Variants in CORO2B observed in about 807,000 individuals in gnomAD.
The protein encoded by CORO2B is coronin-2B.
CORO2B carries 26 observed loss-of-function variants against 58.8 expected under a neutral mutation model. The ratio of observed to expected loss-of-function variants is 0.44; its 90% CI spans 0.32 to 0.61. The LOEUF (loss-of-function observed/expected upper bound fraction) is 0.61. CORO2B is among the 20% of genes least tolerant of loss of function. CORO2B has a pLI of 0.04. For missense variants in CORO2B, 460 were observed against 645.1 expected, an observed-to-expected ratio of 0.71 and a Z score of 3.11; for synonymous variants, 242 against 253.8, an observed-to-expected ratio of 0.95 and a Z score of 0.44.
At chr15:68,649,738 T>C (rs1158274410) in intron 2 of CORO2B, among the ~76,000 whole-genome samples, 2 of 152,202 alleles carry the variant, frequency 1.3e-5, no homozygotes, top group African/African-American at 4.8e-5. Context: ...TAACTTTTTT[T>C]AAGACAAAAA....
chr15:68,720,466 C>T (rs56348473), intron 11 of CORO2B, among the ~76,000 whole-genome samples: 4,819 of 152,254 alleles, frequency 0.032, 257 homozygotes, highest in African/African-American at 0.11. Context: ...TTTGCATGCC[C>T]GTGGCTGAAG....
chr15:68,687,885 C>T (rs1903038113), intron 2 of CORO2B, among the ~76,000 whole-genome samples: 1 of 152,230 alleles, frequency 6.6e-6, no homozygotes, highest in Non-Finnish European at 1.5e-5. Context: ...GACATTAATC[C>T]ATGCATGAGG....
chr15:68,536,875 C>G, the CORO2B span, among the ~76,000 whole-genome samples: 1 of 152,194 alleles, frequency 6.6e-6, no homozygotes, highest in Non-Finnish European at 1.5e-5. Flanking sequence ...TTCCTCCTTC[C>G]TATTGGCTGG....
At chr15:68,651,989 C>A (rs557866690) in intron 2 of CORO2B, among the ~76,000 whole-genome samples, 14 of 152,340 alleles carry the variant, frequency 9.2e-5, no homozygotes, top group South Asian at 2.1e-4. Flanking sequence ...CAAGTTCCAG[C>A]AAACTCTATG....
chr15:68,648,384 C>T (rs1171303998), intron 2 of CORO2B, among the ~76,000 whole-genome samples: 1 of 150,372 alleles, frequency 6.7e-6, no homozygotes, highest in South Asian at 2.1e-4. Context: ...CAGTGGCTCA[C>T]GCCTGTAATC....
chr15:68,663,215 A>C (rs1902073051), intron 2 of CORO2B, among the ~76,000 whole-genome samples: 1 of 152,170 alleles, frequency 6.6e-6, no homozygotes, highest in Non-Finnish European at 1.5e-5. Context: ...TTCACATCAA[A>C]TATAGAAAGA....
chr15:68,579,303 C>A, intron 1 of CORO2B, 26 bp downstream of exon 1: 1 of 1,281,854 alleles, frequency 7.8e-7, no homozygotes, highest in Non-Finnish European at 9.9e-7. Context: ...CCGCCGCGCC[C>A]GGGACCCGCC....
At chr15:68,567,954 G>A in the CORO2B span, among the ~76,000 whole-genome samples, 1 of 152,218 alleles carries the variant, frequency 6.6e-6, no homozygotes, top group Non-Finnish European at 1.5e-5. Flanking sequence ...AGGAGGCGGA[G>A]GTTGCAGTGA....
At chr15:68,558,961 C>T in the CORO2B span, among the ~76,000 whole-genome samples, 1 of 152,018 alleles carries the variant, frequency 6.6e-6, no homozygotes, top group Non-Finnish European at 1.5e-5. Context: ...TGACCCACGC[C>T]GGCCACGCAG....
intron 1 of CORO2B, among the ~76,000 whole-genome samples, chr15:68,624,054 T>C (rs1290012825): frequency 1.3e-5 from 2 of 152,050 alleles, no homozygotes; most frequent in African/African-American, 4.8e-5. Context: ...AGGACTGGGG[T>C]GGCGGGTCCT....
At chr15:68,624,336 C>T (rs1900616710) in intron 1 of CORO2B, among the ~76,000 whole-genome samples, 3 of 152,148 alleles carry the variant, frequency 2.0e-5, no homozygotes, top group Admixed American at 1.3e-4. Context: ...GCTATGATCA[C>T]CACTGTACTC....
intron 2 of CORO2B, among the ~76,000 whole-genome samples, chr15:68,660,976 C>CTT (rs57270255): frequency 0.6 from 88,339 of 146,982 alleles, 28,935 homozygotes; most frequent in East Asian, 0.85. Flanking sequence ...TGTAATGAGT[C>CTT]TTTTTTTTTT....
chr15:68,633,953 A>G (rs1900943228), intron 1 of CORO2B, among the ~76,000 whole-genome samples: 1 of 152,250 alleles, frequency 6.6e-6, no homozygotes. Context: ...GCCAGGGGCC[A>G]GGCCAGGCAC....
intron 1 of CORO2B, among the ~76,000 whole-genome samples, chr15:68,620,207 C>T (rs1029507769): frequency 7.2e-5 from 11 of 152,212 alleles, no homozygotes; most frequent in Admixed American, 2.6e-4. Context: ...CCACCATGCC[C>T]GGCCTAATTG....
At chr15:68,580,900 T>A (rs1348750916) in intron 1 of CORO2B, among the ~76,000 whole-genome samples, 1 of 152,088 alleles carries the variant, frequency 6.6e-6, no homozygotes, top group Non-Finnish European at 1.5e-5. Context: ...TGTGTTCAGT[T>A]CTCTTTAACA....
chr15:68,601,913 T>C (rs1899993429), intron 1 of CORO2B, among the ~76,000 whole-genome samples: 1 of 152,134 alleles, frequency 6.6e-6, no homozygotes. Context: ...GCAAGTTCTT[T>C]TGTTTGGCAA....
intron 3 of CORO2B, among the ~76,000 whole-genome samples, chr15:68,703,327 T>A (rs1207523720): frequency 1.3e-5 from 2 of 151,352 alleles, no homozygotes; most frequent in Non-Finnish European, 2.9e-5. Context: ...ATTTTTGTAT[T>A]TTTAGTAAAG....
chr15:68,669,018 C>T (rs539017653), intron 2 of CORO2B, among the ~76,000 whole-genome samples: 5 of 149,392 alleles, frequency 3.3e-5, no homozygotes, highest in Admixed American at 2.0e-4. Context: ...GCAGAGGTTG[C>T]GGTGAGCCAA....
chr15:68,574,008 G>A (rs542356251), upstream of CORO2B, among the ~76,000 whole-genome samples: 1 of 152,270 alleles, frequency 6.6e-6, no homozygotes, highest in South Asian at 2.1e-4. Context: ...TGGGAAGCCT[G>A]GGGGATGGGG....
Sources: allele counts gnomAD v4.1 joint callset (sites outside exome capture counted in the v4.1 genomes callset), GRCh38; gene constraint gnomAD v4.1.1; transcripts MANE v1.5; gene names NCBI Gene and HGNC (gene_info 2026-07-23, HGNC 2026-07-21).